Variants in MSRA observed in about 807,000 individuals in gnomAD.
The protein encoded by MSRA is methionine sulfoxide reductase A, also known as mitochondrial peptide methionine sulfoxide reductase.
MSRA carries 54 observed loss-of-function variants against 31.3 expected under a neutral mutation model. The ratio of observed to expected loss-of-function variants is 1.73; its 90% CI spans 1.39 to 2.17. MSRA has a LOEUF of 2.17. MSRA is among the 30% of genes most tolerant of loss of function. The pLI is 0.00. For synonymous variants in MSRA, 169 were observed against 116.5 expected, an observed-to-expected ratio of 1.45 and a Z score of -2.90; for missense variants, 507 against 300.9, an observed-to-expected ratio of 1.69 and a Z score of -5.07.
intron 4 of MSRA, 93 bp downstream of exon 4, chr8:10,301,731 A>G (rs1307419537): frequency 1.0e-6 from 1 of 971,004 alleles, no homozygotes; most frequent in African/African-American, 1.6e-5. Context: ...GAACCTTGAA[A>G]TCACACAGGA....
intron 5 of MSRA, among the ~76,000 whole-genome samples, chr8:10,373,871 G>C (rs751679002): frequency 5.3e-5 from 8 of 152,178 alleles, no homozygotes; most frequent in Non-Finnish European, 1.0e-4. Flanking sequence ...TGAGAAGTGC[G>C]GTGTCTGTAC....
intron 1 of MSRA, among the ~76,000 whole-genome samples, chr8:10,183,251 G>C (rs1182009061): frequency 6.6e-6 from 1 of 152,216 alleles, no homozygotes; most frequent in African/African-American, 2.4e-5. Context: ...CTAGGATGTA[G>C]GAGGTGATAA....
At chr8:10,057,719 G>C (rs1268300791) in intron 1 of MSRA, among the ~76,000 whole-genome samples, 1 of 152,266 alleles carries the variant, frequency 6.6e-6, no homozygotes, top group African/African-American at 2.4e-5. Context: ...TTGCCCCTTT[G>C]CGCTCTCTCG....
Position 10,372,559 on chromosome 8 carries a change from G to A in MSRA, c.543+52570G>A, listed in dbSNP as rs117261939. Among the ~76,000 whole-genome samples the A allele has an allele frequency of 3.8e-4, 58 of 152,204 alleles. 1 individual carries two copies. Among genetic ancestry groups the A allele is most frequent in the East Asian group, 1.9e-4 (1 of 5,182 alleles). The stretch of plus-strand genomic sequence containing the variant: ...TTACAACCACTGTGTTCCTAGCAAC[G>A]GTAACTATCCAATTGAAATGAATCT... On this transcript the variant is annotated intron_variant, in intron 5 of 5. Transcript: ENST00000317173.
At chr8:10,301,097 C>G (rs1421138818) in intron 3 of MSRA, among the ~76,000 whole-genome samples, 1 of 152,202 alleles carries the variant, frequency 6.6e-6, no homozygotes, top group Non-Finnish European at 1.5e-5. Context: ...AGGTTTCTCT[C>G]CCTGGCACCA....
rs553604969 is a variant in MSRA, at chr8:10,074,725, G to A, written c.142+20067G>A. On this transcript the variant is annotated intron_variant, in intron 1 of 5. Transcript: ENST00000317173. ...TGAGGCTGGAGTGCAGTAGTACGACGCCTCCTCACAGCAACCTCTGCCTCC... is the reference window on the plus strand; with the variant it reads ...TGAGGCTGGAGTGCAGTAGTACGACACCTCCTCACAGCAACCTCTGCCTCC... Among the ~76,000 whole-genome samples the A allele has an allele frequency of 2.4e-4, 36 of 151,822 alleles. 1 individual carries two copies. The highest frequency in any genetic ancestry group is 4.0e-4 in the Non-Finnish European group (27 of 67,920).
chr8:10,078,531 G>A (rs1418697808), intron 1 of MSRA, among the ~76,000 whole-genome samples: 1 of 152,236 alleles, frequency 6.6e-6, no homozygotes, highest in East Asian at 1.9e-4. Context: ...TTTCTGGACA[G>A]CGTCTGCTTC....
At chr8:10,056,199 A>AAAG in intron 1 of MSRA, among the ~76,000 whole-genome samples, 1 of 2,820 alleles carries the variant, frequency 3.5e-4, no homozygotes, top group Non-Finnish European at 9.3e-4. Context: ...CCCATACACC[A>AAAG]AAAAAAAAAA....
At chr8:10,273,212 G>C (rs1211340821) in intron 3 of MSRA, among the ~76,000 whole-genome samples, 3 of 152,264 alleles carry the variant, frequency 2.0e-5, no homozygotes, top group Admixed American at 6.5e-5. Context: ...AAGTCGATTA[G>C]CATTTAAAAT....
At position 10,287,803 on chromosome 8, in the gene MSRA, G is replaced by C. The variant is rs1334044819; in HGVS notation, c.332-13731G>C. The stretch of plus-strand genomic sequence containing the variant: ...CCCAGGGGTCAAGGGGACCATGGTA[G>C]AGCACTAGAGTCACCCTTTCCTCTG... On this transcript the variant is annotated intron_variant, in intron 3 of 5. Transcript: ENST00000317173. 2.4e-4 allele frequency among the ~76,000 whole-genome samples: 37 copies of C among 152,146 alleles called. 2 individuals are homozygous for C. Among genetic ancestry groups the C allele is most frequent in the Admixed American group, 2.4e-3 (37 of 15,268 alleles).
At chr8:10,330,406 A>G (rs1341331277) in intron 5 of MSRA, among the ~76,000 whole-genome samples, 2 of 152,208 alleles carry the variant, frequency 1.3e-5, no homozygotes, top group Admixed American at 6.5e-5. Flanking sequence ...TTCCCCAGCA[A>G]GAGGTATATA....
chr8:10,338,888 G>A (rs1205372396), intron 5 of MSRA, among the ~76,000 whole-genome samples: 3 of 152,204 alleles, frequency 2.0e-5, no homozygotes, highest in South Asian at 2.1e-4. Context: ...GGGAGCTGAT[G>A]TGCGGGCAAA....
chr8:10,211,581 G>GT (rs764568468), intron 2 of MSRA, among the ~76,000 whole-genome samples: 5 of 152,122 alleles, frequency 3.3e-5, no homozygotes, highest in Non-Finnish European at 7.3e-5. Context: ...GTAGCTGTGA[G>GT]TGCCCCCTTG....
chr8:10,105,564 C>A (rs1002250467), intron 1 of MSRA, among the ~76,000 whole-genome samples: 1 of 152,152 alleles, frequency 6.6e-6, no homozygotes, highest in African/African-American at 2.4e-5. Context: ...GGCACATTCC[C>A]ATTGCATCTG....
intron 5 of MSRA, among the ~76,000 whole-genome samples, chr8:10,416,380 C>T (rs550378816): frequency 2.0e-5 from 3 of 152,326 alleles, no homozygotes; most frequent in Admixed American, 1.3e-4. Flanking sequence ...ACCCCATGCC[C>T]GGGAAAGCCC....
intron 1 of MSRA, among the ~76,000 whole-genome samples, chr8:10,079,480 C>G (rs1359776653): frequency 6.6e-6 from 1 of 152,130 alleles, no homozygotes; most frequent in Non-Finnish European, 1.5e-5. Flanking sequence ...AAATAAAGCT[C>G]ATTAATTACA....
intron 5 of MSRA, among the ~76,000 whole-genome samples, chr8:10,330,480 C>A (rs138198455): frequency 8.5e-5 from 13 of 152,202 alleles, no homozygotes; most frequent in African/African-American, 3.1e-4. Context: ...CCTTATTCTC[C>A]CGTCCCATGT....
At chr8:10,197,742 C>G (rs948871153) in intron 1 of MSRA, among the ~76,000 whole-genome samples, 1 of 152,178 alleles carries the variant, frequency 6.6e-6, no homozygotes, top group African/African-American at 2.4e-5. Context: ...GAAGCCCTCT[C>G]CAAGACAGGG....
At chr8:10,370,836 A>G (rs768797677) in intron 5 of MSRA, among the ~76,000 whole-genome samples, 3 of 152,198 alleles carry the variant, frequency 2.0e-5, no homozygotes, top group Non-Finnish European at 4.4e-5. Flanking sequence ...CTCCTTCCAG[A>G]TGAGTCAGCT....
Sources: gnomAD v4.1 joint callset for allele counts (sites outside exome capture counted in the v4.1 genomes callset) on GRCh38, gnomAD v4.1.1 for gene constraint, MANE v1.5 for transcripts, NCBI Gene and HGNC (gene_info 2026-07-23, HGNC 2026-07-21) for gene names.